ADAMTS6: variants seen among roughly 807,000 people sequenced by gnomAD.
The protein encoded by ADAMTS6 is A disintegrin and metalloproteinase with thrombospondin motifs 6.
In ADAMTS6, 23 loss-of-function variants were observed where a neutral mutation model predicts 144.3. That is an observed-to-expected ratio of 0.16 (90% CI 0.11 to 0.23). The LOEUF (loss-of-function observed/expected upper bound fraction) is 0.23, where lower values mean the gene tolerates loss of function less well. Ranked by LOEUF, ADAMTS6 falls within the 10% of genes least tolerant of loss-of-function variation. The pLI is 1.00. For missense variants in ADAMTS6, 999 were observed against 1,379.6 expected, an observed-to-expected ratio of 0.72 and a Z score of 4.37; for synonymous variants, 444 against 457.5, an observed-to-expected ratio of 0.97 and a Z score of 0.38.
chr5:65,194,608 T>C (rs902329923), intron 21 of ADAMTS6, among the ~76,000 whole-genome samples: 1 of 152,162 alleles, frequency 6.6e-6, no homozygotes, highest in African/African-American at 2.4e-5. Flanking sequence ...AAAATTTCCT[T>C]TTCCATAGTC....
At chr5:65,267,259 T>C (rs981593929) in intron 12 of ADAMTS6, among the ~76,000 whole-genome samples, 4 of 152,080 alleles carry the variant, frequency 2.6e-5, no homozygotes, top group Non-Finnish European at 4.4e-5. Flanking sequence ...TTTTCAAAGG[T>C]TATCCAATCT....
chr5:65,258,904 A>G (rs1299374693), intron 14 of ADAMTS6, among the ~76,000 whole-genome samples: 1 of 152,212 alleles, frequency 6.6e-6, no homozygotes, highest in Non-Finnish European at 1.5e-5. Context: ...TCATGAAAGA[A>G]GTACAGGCTG....
intron 7 of ADAMTS6, among the ~76,000 whole-genome samples, chr5:65,435,153 C>T (rs116083788): frequency 2.6e-5 from 4 of 152,076 alleles, no homozygotes; most frequent in Admixed American, 1.3e-4. Flanking sequence ...AAATTAAACA[C>T]AAAGTTAATT....
At chr5:65,298,693 T>C (rs867269224) in intron 10 of ADAMTS6, among the ~76,000 whole-genome samples, 5 of 152,280 alleles carry the variant, frequency 3.3e-5, no homozygotes, top group South Asian at 2.1e-4. Context: ...GGTTATAATA[T>C]GGTTATCAGA....
intron 7 of ADAMTS6, among the ~76,000 whole-genome samples, chr5:65,419,824 T>TA (rs1489275041): frequency 9.8e-5 from 15 of 152,308 alleles, no homozygotes; most frequent in Admixed American, 8.5e-4. Flanking sequence ...AGTGGTTACC[T>TA]AGGGCTGGAG....
intron 20 of ADAMTS6, among the ~76,000 whole-genome samples, chr5:65,197,423 ATTC>A (rs1265111561): frequency 6.6e-6 from 1 of 152,254 alleles, no homozygotes; most frequent in Non-Finnish European, 1.5e-5. Context: ...ACATTTGTAA[ATTC>A]TTCTTCGTGC....
intron 4 of ADAMTS6, among the ~76,000 whole-genome samples, 159 bp from the exon 5 acceptor site, chr5:65,453,077 T>A (rs1299680397): frequency 7.0e-6 from 1 of 143,420 alleles, no homozygotes. Flanking sequence ...AGTCTGTAAA[T>A]TTTTGAAAAT....
At chr5:65,379,659 G>A (rs914903372) in intron 7 of ADAMTS6, among the ~76,000 whole-genome samples, 1 of 151,902 alleles carries the variant, frequency 6.6e-6, no homozygotes, top group Non-Finnish European at 1.5e-5. Flanking sequence ...CAGTGACCCC[G>A]CTTTCTCCTC....
At chr5:65,155,611 A>G (rs1275005658) in intron 24 of ADAMTS6, among the ~76,000 whole-genome samples, 1 of 152,240 alleles carries the variant, frequency 6.6e-6, no homozygotes, top group East Asian at 1.9e-4. Context: ...ATGACCGTAT[A>G]TAAAATGTCA....
intron 20 of ADAMTS6, chr5:65,210,248 C>T (rs990757605): frequency 1.6e-4 from 26 of 159,100 alleles, no homozygotes; most frequent in Non-Finnish European, 3.5e-4. Context: ...GTCAGGAGAT[C>T]GAGACCATCC....
At chr5:65,217,452 T>A (rs1757013165) in intron 18 of ADAMTS6, among the ~76,000 whole-genome samples, 1 of 151,806 alleles carries the variant, frequency 6.6e-6, no homozygotes, top group Non-Finnish European at 1.5e-5. Flanking sequence ...AATGGTGCCA[T>A]AATGTAGCTC....
At chr5:65,215,830 A>T (rs557805648) in intron 18 of ADAMTS6, among the ~76,000 whole-genome samples, 1 of 152,314 alleles carries the variant, frequency 6.6e-6, no homozygotes, top group East Asian at 1.9e-4. Flanking sequence ...CTGAAATAGT[A>T]ATTAAATGGA....
intron 24 of ADAMTS6, among the ~76,000 whole-genome samples, chr5:65,163,660 T>G (rs1752927972): frequency 6.6e-6 from 1 of 152,216 alleles, no homozygotes; most frequent in Admixed American, 6.5e-5. Context: ...AGTTTTCACT[T>G]GAAAAATATT....
At chr5:65,426,076 C>T (rs1487808191) in intron 7 of ADAMTS6, among the ~76,000 whole-genome samples, 3 of 145,462 alleles carry the variant, frequency 2.1e-5, no homozygotes, top group African/African-American at 5.1e-5. Context: ...GACTGAGTTT[C>T]GCTCTTGTCT....
chr5:65,175,705 GAA>G (rs57833154), intron 22 of ADAMTS6, among the ~76,000 whole-genome samples: 1 of 139,202 alleles, frequency 7.2e-6, no homozygotes, highest in African/African-American at 2.6e-5. Flanking sequence ...GTATCCTAAG[GAA>G]AAAAAAAAAA....
intron 9 of ADAMTS6, among the ~76,000 whole-genome samples, chr5:65,306,493 T>C (rs900416536): frequency 6.6e-5 from 10 of 152,226 alleles, no homozygotes; most frequent in African/African-American, 2.2e-4. Context: ...AATGAGGTGT[T>C]AGTACTATTG....
At position 65,149,645 on chromosome 5, in the gene ADAMTS6, G is replaced by A. The variant is rs891402098; in HGVS notation, c.*2191C>T. 2.0e-5 allele frequency: 3 copies of A among 152,606 alleles called. No homozygotes were observed. The highest frequency in any genetic ancestry group is 7.2e-5 in the African/African-American group (3 of 41,438). 9.5% of individuals were successfully genotyped at this position (152,606 alleles called of 1,614,324 possible). ...GTAATAAGAAATCTTTTTGAAATAA[G>A]AACATGAGCTGATATTTATGTTGGA... is the stretch of plus-strand genomic sequence containing the variant. On this transcript the variant is annotated 3_prime_UTR_variant, in exon 25 of 25. Coordinates refer to ENST00000381055, the MANE Select transcript of ADAMTS6 (RefSeq NM_197941.4).
chr5:65,394,513 A>C (rs1753182813), intron 7 of ADAMTS6, among the ~76,000 whole-genome samples: 1 of 152,214 alleles, frequency 6.6e-6, no homozygotes, highest in Non-Finnish European at 1.5e-5. Flanking sequence ...CGAAGCAATA[A>C]AAAGCTGGAC....
chr5:65,391,326 A>C (rs189889453), intron 7 of ADAMTS6, among the ~76,000 whole-genome samples: 1 of 152,308 alleles, frequency 6.6e-6, no homozygotes, highest in East Asian at 1.9e-4. Flanking sequence ...TGAAAATAGC[A>C]CAAGGAATAC....
Sources: allele counts gnomAD v4.1 joint callset (sites outside exome capture counted in the v4.1 genomes callset), GRCh38; gene constraint gnomAD v4.1.1; transcripts MANE v1.5; gene names NCBI Gene and HGNC (gene_info 2026-07-23, HGNC 2026-07-21).